The following CADPS2 variants were observed in gnomAD, a reference collection of about 807,000 sequenced individuals.
The protein encoded by CADPS2 is calcium dependent secretion activator 2.
Under a neutral mutation model 172.5 loss-of-function variants are expected in CADPS2, and 93 were observed. The ratio of observed to expected loss-of-function variants is 0.54; its 90% CI spans 0.46 to 0.64. The LOEUF is 0.64. CADPS2 is among the 30% of genes least tolerant of loss of function. The pLI is 0.00. For synonymous variants in CADPS2, 546 were observed against 555.2 expected, an observed-to-expected ratio of 0.98 and a Z score of 0.23; for missense variants, 1,420 against 1,565.9, an observed-to-expected ratio of 0.91 and a Z score of 1.57.
intron 1 of CADPS2, among the ~76,000 whole-genome samples, chr7:122,771,810 G>GTGGGTACC (rs2093711925): frequency 6.6e-6 from 1 of 152,176 alleles, no homozygotes; most frequent in Admixed American, 6.5e-5. Flanking sequence ...AAGAGAAACT[G>GTGGGTACC]TGGGTACCTG....
At chr7:122,597,633 TC>T (rs1189315444) in intron 6 of CADPS2, among the ~76,000 whole-genome samples, 1 of 152,140 alleles carries the variant, frequency 6.6e-6, no homozygotes, top group East Asian at 1.9e-4. Context: ...CTCTAAAAAT[TC>T]TTCCCTGAAA....
chr7:122,384,299 G>A (rs984159839), intron 24 of CADPS2, among the ~76,000 whole-genome samples: 2 of 152,054 alleles, frequency 1.3e-5, no homozygotes, highest in African/African-American at 2.4e-5. Flanking sequence ...TTATCCCAGC[G>A]ATGACAATAT....
At chr7:122,850,025 C>A in intron 1 of CADPS2, 1 of 999,318 alleles carries the variant, frequency 1.0e-6, no homozygotes. Flanking sequence ...AACAGAAGGC[C>A]CTGCTGCATC....
intron 15 of CADPS2, among the ~76,000 whole-genome samples, chr7:122,447,332 A>G (rs1462346567): frequency 6.9e-6 from 1 of 144,554 alleles, no homozygotes; most frequent in East Asian, 1.9e-4. Flanking sequence ...GTACAATCTA[A>G]TTAATACAAC....
At chr7:122,513,224 T>C in intron 9 of CADPS2, 25 bp downstream of exon 9, 3 of 1,502,586 alleles carry the variant, frequency 2.0e-6, no homozygotes, top group Non-Finnish European at 2.7e-6. Flanking sequence ...TTAGAGTGAT[T>C]ATTTAACAGG....
intron 2 of CADPS2, among the ~76,000 whole-genome samples, chr7:122,684,387 T>C (rs2083405057): frequency 6.6e-6 from 1 of 152,134 alleles, no homozygotes; most frequent in South Asian, 2.1e-4. Flanking sequence ...AATATTTTAT[T>C]ATAAAAATGT....
At chr7:122,348,046 C>G (rs2037958786) in intron 27 of CADPS2, among the ~76,000 whole-genome samples, 1 of 152,140 alleles carries the variant, frequency 6.6e-6, no homozygotes, top group Non-Finnish European at 1.5e-5. Flanking sequence ...TTGGGTACAG[C>G]CCAGTTGAAC....
chr7:122,485,328 A>C (rs2057696441), intron 11 of CADPS2, among the ~76,000 whole-genome samples: 1 of 152,232 alleles, frequency 6.6e-6, no homozygotes, highest in South Asian at 2.1e-4. Flanking sequence ...TGTGAATGCA[A>C]AGGAAAAGTT....
intron 2 of CADPS2, among the ~76,000 whole-genome samples, chr7:122,718,528 G>C (rs1157626701): frequency 6.6e-6 from 1 of 152,028 alleles, no homozygotes; most frequent in Non-Finnish European, 1.5e-5. Flanking sequence ...TTCTAAACAG[G>C]GAACAGAATA....
intron 6 of CADPS2, among the ~76,000 whole-genome samples, chr7:122,602,144 T>C (rs922852912): frequency 6.6e-6 from 1 of 151,712 alleles, no homozygotes; most frequent in South Asian, 2.1e-4. Flanking sequence ...CAGATTCACA[T>C]ACCTATAAAA....
Position 122,399,211 on chromosome 7 carries a change from T to G in CADPS2, c.2747-5629A>C, listed in dbSNP as rs1216136443. ...AAATTTAAAACTATAATGAAAAAAT[T>G]TCATAGAATGGCACACATAATTTGA... On this transcript the variant is annotated intron_variant, in intron 20 of 29. Transcript: ENST00000449022. 2.0e-5 allele frequency among the ~76,000 whole-genome samples: 3 copies of G among 152,186 alleles called. No individual in the cohort carries two copies. The East Asian group carries it at 5.8e-4, about 29-fold the overall frequency.
At chr7:122,805,826 A>T (rs1029125636) in intron 1 of CADPS2, among the ~76,000 whole-genome samples, 1 of 152,338 alleles carries the variant, frequency 6.6e-6, no homozygotes, top group Non-Finnish European at 1.5e-5. Context: ...AAAAATGCAC[A>T]TGGATACCTT....
At chr7:122,336,729 T>G (rs2035913828) in intron 28 of CADPS2, among the ~76,000 whole-genome samples, 1 of 152,188 alleles carries the variant, frequency 6.6e-6, no homozygotes, top group Admixed American at 6.5e-5. Flanking sequence ...TTAGAAAAAT[T>G]TCTCCACGAA....
chr7:122,638,061 G>A (rs1001278371), intron 3 of CADPS2, among the ~76,000 whole-genome samples: 1 of 152,148 alleles, frequency 6.6e-6, no homozygotes, highest in Non-Finnish European at 1.5e-5. Flanking sequence ...AGTACTCTGT[G>A]GTCAGGGGAG....
chr7:122,429,431 A>C (rs2049596992), intron 17 of CADPS2, among the ~76,000 whole-genome samples: 1 of 151,494 alleles, frequency 6.6e-6, no homozygotes, highest in Non-Finnish European at 1.5e-5. Context: ...AATTTCCTAA[A>C]TATTCTAAAG....
At chr7:122,641,428 T>C (rs1045678008) in intron 3 of CADPS2, among the ~76,000 whole-genome samples, 5 of 152,234 alleles carry the variant, frequency 3.3e-5, no homozygotes. Flanking sequence ...TTTGGAAGTC[T>C]GTAAAACTTT....
intron 3 of CADPS2, among the ~76,000 whole-genome samples, chr7:122,659,496 A>T (rs1423572397): frequency 2.0e-5 from 3 of 152,176 alleles, no homozygotes; most frequent in African/African-American, 7.2e-5. Flanking sequence ...CTGTGGGATA[A>T]CATGGGTAAC....
chr7:122,524,704 G>T (rs1467156496), intron 8 of CADPS2, among the ~76,000 whole-genome samples: 1 of 152,180 alleles, frequency 6.6e-6, no homozygotes, highest in African/African-American at 2.4e-5. Flanking sequence ...CATACTTTGA[G>T]AAATTAACTG....
intron 20 of CADPS2, among the ~76,000 whole-genome samples, chr7:122,393,965 G>A (rs1015461364): frequency 6.6e-6 from 1 of 152,138 alleles, no homozygotes; most frequent in Non-Finnish European, 1.5e-5. Context: ...TACAATCTCT[G>A]TGCTATGCTG....
Sources: allele counts gnomAD v4.1 joint callset (sites outside exome capture counted in the v4.1 genomes callset), GRCh38; gene constraint gnomAD v4.1.1; transcripts MANE v1.5; gene names NCBI Gene and HGNC (gene_info 2026-07-23, HGNC 2026-07-21).